Variants in MTCH2 observed in about 807,000 individuals in gnomAD.
The protein encoded by MTCH2 is mitochondrial carrier homolog 2.
MTCH2 carries 25 observed loss-of-function variants against 50.6 expected under a neutral mutation model. The observed-to-expected ratio is 0.49, with a 90% CI of 0.36 to 0.69. MTCH2 has a LOEUF of 0.69. Among genes scored for constraint, MTCH2 ranks in the 30% least tolerant of loss-of-function variants. The pLI is 0.00. For synonymous variants in MTCH2, 106 were observed against 132.0 expected, an observed-to-expected ratio of 0.80 and a Z score of 1.35; for missense variants, 273 against 384.4, an observed-to-expected ratio of 0.71 and a Z score of 2.42.
the MTCH2 span, among the ~76,000 whole-genome samples, chr11:47,608,073 C>G: frequency 2.0e-5 from 3 of 152,130 alleles, no homozygotes; most frequent in African/African-American, 7.2e-5. Context: ...TGCTATTTAC[C>G]ACCAGTCTTG....
At chr11:47,615,782 G>A (rs558188756), downstream of MTCH2, among the ~76,000 whole-genome samples, 183 of 10,170 alleles carry the variant, frequency 0.018, no homozygotes, top group African/African-American at 0.045. Flanking sequence ...ACAGGTGCCC[G>A]CCACCACGCC....
intron 1 of MTCH2, among the ~76,000 whole-genome samples, chr11:47,641,857 G>A (rs920851795): frequency 6.6e-5 from 10 of 151,978 alleles, no homozygotes; most frequent in African/African-American, 1.9e-4. Flanking sequence ...TCAGTATCTG[G>A]TGCGAAAACC....
chr11:47,611,240 A>C, the MTCH2 span, among the ~76,000 whole-genome samples: 1 of 152,240 alleles, frequency 6.6e-6, no homozygotes, highest in East Asian at 1.9e-4. Context: ...TGCATTTATA[A>C]ACTCTAAATG....
chr11:47,624,947 G>T (rs1307994378), intron 11 of MTCH2, among the ~76,000 whole-genome samples: 1 of 152,078 alleles, frequency 6.6e-6, no homozygotes, highest in Non-Finnish European at 1.5e-5. Flanking sequence ...AATTAGCCCA[G>T]CATGGTGGCA....
Position 47,631,730 on chromosome 11 carries a change from C to G in MTCH2, c.370-19G>C, listed in dbSNP as rs2097303239. ...GAGTTGTCTAGAAACAATCAACACA[C>G]ACTTCTGAAATCTAAACAAATGACA... On this transcript the variant is annotated intron_variant, in intron 5 of 12. Coordinates refer to ENST00000302503, the MANE Select transcript of MTCH2 (RefSeq NM_014342.4). 2 of 1,613,596 alleles carry G rather than the reference C, an allele frequency of 1.2e-6. No homozygotes were observed. The highest frequency in any genetic ancestry group is 1.7e-6 in the Non-Finnish European group (2 of 1,179,762).
intron 3 of MTCH2, among the ~76,000 whole-genome samples, chr11:47,637,265 C>T (rs112133544): frequency 6.6e-6 from 1 of 152,204 alleles, no homozygotes; most frequent in Non-Finnish European, 1.5e-5. Context: ...GCTGGGATTA[C>T]AGGCATGAGC....
At chr11:47,614,479 T>A (rs1022861059), downstream of MTCH2, among the ~76,000 whole-genome samples, 1 of 152,218 alleles carries the variant, frequency 6.6e-6, no homozygotes, top group Admixed American at 6.5e-5. Flanking sequence ...CTTTTTTCTT[T>A]TTTTTTGAGA....
chr11:47,609,704 A>G, the MTCH2 span, among the ~76,000 whole-genome samples: 6 of 151,706 alleles, frequency 4.0e-5, no homozygotes, highest in Admixed American at 1.3e-4. Context: ...GCAGTATTTT[A>G]TCCTCTGCCA....
downstream of MTCH2, among the ~76,000 whole-genome samples, chr11:47,614,261 CCTGA>C (rs555245257): frequency 6.4e-4 from 98 of 152,030 alleles, no homozygotes; most frequent in East Asian, 7.9e-3. Flanking sequence ...CCTGAAAATT[CCTGA>C]CTATGATTTC....
chr11:47,640,214 A>G (rs1311967456), intron 1 of MTCH2, among the ~76,000 whole-genome samples: 1 of 151,826 alleles, frequency 6.6e-6, no homozygotes, highest in Non-Finnish European at 1.5e-5. Flanking sequence ...CTGTAATCCC[A>G]GCTACTCAAG....
intron 5 of MTCH2, among the ~76,000 whole-genome samples, chr11:47,633,031 C>A (rs2097304648): frequency 6.6e-6 from 1 of 151,322 alleles, no homozygotes; most frequent in Admixed American, 6.6e-5. Context: ...GCCCTCACCC[C>A]TTCTCCAAGG....
chr11:47,619,133 G>A (rs1454397014), intron 12 of MTCH2, among the ~76,000 whole-genome samples: 7 of 152,252 alleles, frequency 4.6e-5, no homozygotes, highest in Non-Finnish European at 7.3e-5. Flanking sequence ...TGGGCAGACA[G>A]AACGCCCAGG....
intron 12 of MTCH2, among the ~76,000 whole-genome samples, chr11:47,622,264 G>A (rs2153798546): frequency 6.6e-6 from 1 of 152,172 alleles, no homozygotes; most frequent in South Asian, 2.1e-4. Context: ...TTGGTATCTA[G>A]GCAAAATCAT....
intron 5 of MTCH2, among the ~76,000 whole-genome samples, chr11:47,633,527 T>TATA (rs59398950): frequency 7.5e-3 from 143 of 19,054 alleles, no homozygotes; most frequent in African/African-American, 0.018. Context: ...TATATATATA[T>TATA]TTTTTTTTTT....
chr11:47,631,861 G>T, intron 5 of MTCH2, 150 bp from the exon 6 acceptor site: 1 of 668,424 alleles, frequency 1.5e-6, no homozygotes, highest in East Asian at 2.8e-5. Context: ...AGTTTGAATG[G>T]GATGTGAAAG....
At chr11:47,633,526 A>ATTTTTTT (rs869251946) in intron 5 of MTCH2, among the ~76,000 whole-genome samples, 8 of 35,076 alleles carry the variant, frequency 2.3e-4, no homozygotes, top group African/African-American at 6.6e-4. Flanking sequence ...ATATATATAT[A>ATTTTTTT]TTTTTTTTTT....
At chr11:47,621,286 A>G (rs929885399) in intron 12 of MTCH2, among the ~76,000 whole-genome samples, 37 of 152,246 alleles carry the variant, frequency 2.4e-4, no homozygotes, top group Non-Finnish European at 1.0e-4. Context: ...GTGCTATAAA[A>G]TAATGCAACA....
At chr11:47,606,586 C>G in the MTCH2 span, among the ~76,000 whole-genome samples, 1 of 152,176 alleles carries the variant, frequency 6.6e-6, no homozygotes, top group Non-Finnish European at 1.5e-5. Flanking sequence ...GCTTCCTATC[C>G]CTCTTGTGCC....
At chr11:47,622,173 A>T (rs2097293904) in intron 12 of MTCH2, among the ~76,000 whole-genome samples, 1 of 152,026 alleles carries the variant, frequency 6.6e-6, no homozygotes, top group Non-Finnish European at 1.5e-5. Flanking sequence ...CCATTATTTT[A>T]TTTTCCAATA....
Sources: gnomAD v4.1 joint callset for allele counts (sites outside exome capture counted in the v4.1 genomes callset) on GRCh38, gnomAD v4.1.1 for gene constraint, MANE v1.5 for transcripts, NCBI Gene and HGNC (gene_info 2026-07-23, HGNC 2026-07-21) for gene names.